The following POLQ variants were observed in gnomAD, a reference collection of about 807,000 sequenced individuals.
POLQ encodes DNA polymerase theta, also known as epididymis secretory sperm binding protein.
POLQ carries 233 observed loss-of-function variants against 259.2 expected under a neutral mutation model. The observed-to-expected ratio is 0.90, with a 90% CI of 0.81 to 1.00. The LOEUF (loss-of-function observed/expected upper bound fraction) is 1.00. POLQ is among the 50% of genes least tolerant of loss of function. POLQ has a pLI of 0.00. For synonymous variants in POLQ, 1,025 were observed against 1,048.8 expected (o/e 0.98, Z 0.44); for missense variants, 2,871 against 3,051.6 (o/e 0.94, Z 1.39).
intron 2 of POLQ, among the ~76,000 whole-genome samples, 198 bp from the exon 3 acceptor site, chr3:121,541,677 C>T (rs1228851298): frequency 6.6e-6 from 1 of 152,158 alleles, no homozygotes; most frequent in Non-Finnish European, 1.5e-5. Flanking sequence ...CAACTAAAAA[C>T]AGAGTAAATA....
chr3:121,457,898 G>T (rs1410120295), intron 25 of POLQ, among the ~76,000 whole-genome samples: 3 of 152,210 alleles, frequency 2.0e-5, no homozygotes, highest in Non-Finnish European at 2.9e-5. Context: ...TATACCCAAA[G>T]GACTATAAAT....
At position 121,489,705 on chromosome 3, in the gene POLQ, T is replaced by G. The variant is rs1211749234; in HGVS notation, c.3226A>C (p.Ser1076Arg). 6.2e-7 allele frequency: 1 copy of G among 1,613,372 alleles called. No homozygotes were observed. The highest frequency in any genetic ancestry group is 1.7e-5 in the Admixed American group (1 of 59,918). The change falls in exon 16 of 30, where the codon AGT becomes CGT. Residue 1076 changes from serine (S) to arginine (R), a missense_variant. Ser to Arg is a moderately radical substitution (Grantham distance 110). This residue lies in a region of POLQ where 2,080 missense variants were observed against 2,126.0 expected (regional missense o/e 0.98). Coordinates refer to ENST00000264233, the MANE Select transcript of POLQ (RefSeq NM_199420.4). ...HLQGQTLSNP[S>R]LCEDPFTLDE... ...AAGGTAAACGGGTCTTCACAAAGAC[T>G]AGGATTAGACAGAGTCTGTCCTTGT...
At chr3:121,512,828 A>C (rs2048264691) in intron 9 of POLQ, among the ~76,000 whole-genome samples, 2 of 152,252 alleles carry the variant, frequency 1.3e-5, no homozygotes, top group South Asian at 4.1e-4. Flanking sequence ...ATAAAGTAAA[A>C]TGCAAATGTA....
intron 17 of POLQ, among the ~76,000 whole-genome samples, chr3:121,484,052 A>G (rs1046910244): frequency 2.0e-5 from 3 of 152,150 alleles, no homozygotes; most frequent in African/African-American, 7.2e-5. Flanking sequence ...GACACTATAC[A>G]GCATCCTTTA....
intron 24 of POLQ, among the ~76,000 whole-genome samples, chr3:121,461,908 T>C (rs1459309262): frequency 6.6e-6 from 1 of 152,126 alleles, no homozygotes. Context: ...TCATGTTGAT[T>C]TCTGAACTAT....
At chr3:121,512,218 T>C (rs1435013249) in intron 9 of POLQ, among the ~76,000 whole-genome samples, 189 bp from the exon 10 acceptor site, 1 of 152,226 alleles carries the variant, frequency 6.6e-6, no homozygotes, top group Non-Finnish European at 1.5e-5. Context: ...CTCCAAAATA[T>C]GCCACTTCAG....
chr3:121,537,032 A>T (rs1676594132), intron 5 of POLQ, 68 bp downstream of exon 5: 1 of 798,228 alleles, frequency 1.3e-6, no homozygotes, highest in East Asian at 2.5e-5. Flanking sequence ...ACTCATACTT[A>T]TGCATTTTTC....
rs764957894 is a variant in POLQ, at chr3:121,460,071, A to C, written c.7131T>G (p.Asp2377Glu). The change falls in exon 25 of 30, where the codon GAT becomes GAG. Residue 2377 changes from aspartate (D) to glutamate (E), a missense_variant. Asp to Glu is a conservative substitution (Grantham distance 45, BLOSUM62 2). Transcript: ENST00000264233. ...TCACCTGTTTTGCCTGCTGCCTCAG[A>C]TCATCCCCAACAGACTCTGGCTCAA... ...KMIEPESVGDDLRQQAKQICY... is the reference protein window; with the variant it reads ...KMIEPESVGDELRQQAKQICY... 22 of 1,613,866 alleles carry C rather than the reference A, an allele frequency of 1.4e-5. No homozygotes were observed. In the African/African-American group the frequency reaches 2.7e-4, roughly 20 times the overall value.
intron 19 of POLQ, 56 bp from the exon 20 acceptor site, chr3:121,476,789 C>A (rs919163824): frequency 4.1e-5 from 48 of 1,180,532 alleles, no homozygotes; most frequent in Non-Finnish European, 2.4e-6. Flanking sequence ...GCTAGATCAG[C>A]AGCCTTACCT....
rs183932464 is a variant in POLQ at position 121,506,889 on chromosome 3, C to T, written c.1959+2672G>A. On this transcript the variant is annotated intron_variant, in intron 12 of 29. Coordinates refer to ENST00000264233, the MANE Select transcript of POLQ (RefSeq NM_199420.4). Reference sequence around the variant, plus strand: ...AATAGGGAACTGATAGAATAAACAACGGTACATCCACCTACACGACAGAAT... The same window carrying T: ...AATAGGGAACTGATAGAATAAACAATGGTACATCCACCTACACGACAGAAT... 2.1e-3 allele frequency among the ~76,000 whole-genome samples: 323 copies of T among 151,232 alleles called. 1 individual carries two copies. Among genetic ancestry groups the T allele is most frequent in the Middle Eastern group, 7.0e-3 (2 of 286 alleles).
chr3:121,505,846 T>TAAAAAAA (rs35298276), intron 12 of POLQ, among the ~76,000 whole-genome samples: 2 of 126,222 alleles, frequency 1.6e-5, no homozygotes, highest in African/African-American at 3.0e-5. Context: ...CCATCTCTAC[T>TAAAAAAA]AAAAAAAAAA....
chr3:121,490,421 A>G lies in POLQ; in HGVS notation c.2523-13T>C. The G allele has an allele frequency of 6.2e-7, 1 of 1,602,064 alleles. No homozygotes were observed. Among genetic ancestry groups the G allele is most frequent in the Non-Finnish European group, 8.5e-7 (1 of 1,170,198 alleles). Reference sequence around the variant, plus strand: ...TGCCTTCCGGGCACTACACAAGGAGATGGGAAAAGACAGAAATGAATTCAT... The same window carrying G: ...TGCCTTCCGGGCACTACACAAGGAGGTGGGAAAAGACAGAAATGAATTCAT... On this transcript the variant is annotated splice_polypyrimidine_tract_variant and intron_variant, in intron 15 of 29. Coordinates refer to ENST00000264233, the MANE Select transcript of POLQ (RefSeq NM_199420.4).
At chr3:121,469,409 A>T (rs2047865756) in intron 22 of POLQ, among the ~76,000 whole-genome samples, 1 of 152,200 alleles carries the variant, frequency 6.6e-6, no homozygotes, top group Admixed American at 6.5e-5. Flanking sequence ...TCTACTAGCT[A>T]TGTATAACTC....
chr3:121,518,234 A>G (rs1018652818), intron 9 of POLQ, among the ~76,000 whole-genome samples: 4 of 152,222 alleles, frequency 2.6e-5, no homozygotes, highest in East Asian at 3.8e-4. Flanking sequence ...AACTTATCAC[A>G]TATTTTCTCC....
At chr3:121,493,430 A>ATT in intron 15 of POLQ, 48 bp downstream of exon 15, 2 of 1,343,586 alleles carry the variant, frequency 1.5e-6, no homozygotes, top group Non-Finnish European at 2.0e-6. Flanking sequence ...TAAAATTGAC[A>ATT]TTTTTTTTTT....
chr3:121,520,397 A>G (rs955166353), intron 8 of POLQ, among the ~76,000 whole-genome samples: 1 of 152,100 alleles, frequency 6.6e-6, no homozygotes, highest in Non-Finnish European at 1.5e-5. Context: ...TTAGCTGTGC[A>G]TGGTGGTGGG....
In POLQ at chr3:121,472,166, T is replaced by C. The variant is rs200330997; in HGVS notation, c.6544-2A>G. ...TGCCTTTAATTTATTTAAAACGTCC[T>C]GCCAAAAAAATATAAGGTAAGATTG... is the stretch of plus-strand genomic sequence containing the variant. On this transcript the variant is annotated splice_acceptor_variant, in intron 21 of 29. Coordinates refer to ENST00000264233, the MANE Select transcript of POLQ (RefSeq NM_199420.4). LOFTEE classifies it high-confidence loss of function. 10 of 1,396,394 alleles carry C rather than the reference T, an allele frequency of 7.2e-6. No individual in the cohort carries two copies. The African/African-American group carries it at 1.4e-4, about 20-fold the overall frequency. The allele number at this position is 1,396,394 out of a possible 1,614,324, so 86.5% of individuals were successfully genotyped here. A position where few individuals can be genotyped will look rare whatever the true frequency, so the allele number is the denominator to read the frequency against.
intron 21 of POLQ, among the ~76,000 whole-genome samples, chr3:121,472,425 A>C (rs1364075956): frequency 2.6e-5 from 4 of 152,214 alleles, no homozygotes; most frequent in Non-Finnish European, 5.9e-5. Flanking sequence ...AGTTTAACAA[A>C]GTAACTGCCT....
Position 121,489,615 on chromosome 3 carries a change from T to A in POLQ, c.3316A>T (p.Lys1106Ter). 1 of 1,613,818 alleles carries A rather than the reference T, an allele frequency of 6.2e-7. No homozygotes were observed. Among genetic ancestry groups the A allele is most frequent in the Non-Finnish European group, 8.5e-7 (1 of 1,179,850 alleles). The change falls in exon 16 of 30, where the codon AAG becomes TAG. Residue 1106 changes from lysine to a stop codon, truncating the protein, a stop_gained. Transcript: ENST00000264233. LOFTEE classifies it high-confidence loss of function. ...PFAKNVSLSG[K>*]EKDNKTSFPL... is the part of the protein sequence containing the mutation. ...AATGATGTTTTATTATCTTTTTCCT[T>A]ACCACTCAAAGATACATTTTTAGCA...
Sources: allele counts gnomAD v4.1 joint callset (sites outside exome capture counted in the v4.1 genomes callset), GRCh38; gene constraint gnomAD v4.1.1; regional missense constraint gnomAD v4.1.1; transcripts MANE v1.5; gene names NCBI Gene and HGNC (gene_info 2026-07-23, HGNC 2026-07-21).